LDB2: variants seen among roughly 807,000 people sequenced by gnomAD.
LDB2 encodes LIM domain binding 2, also known as LIM domain-binding protein 2.
LDB2 carries 12 observed loss-of-function variants against 44.3 expected under a neutral mutation model. The ratio of observed to expected loss-of-function variants is 0.27; its 90% confidence interval spans 0.17 to 0.44. LDB2 has a LOEUF of 0.44. Among genes scored for constraint, LDB2 ranks in the 20% least tolerant of loss-of-function variants. The pLI, the probability that LDB2 is intolerant of heterozygous loss-of-function variation, is 1.00. For missense variants in LDB2, 344 were observed against 473.5 expected, an observed-to-expected ratio of 0.73 and a Z score of 2.54; for synonymous variants, 164 against 174.8, an observed-to-expected ratio of 0.94 and a Z score of 0.49.
At chr4:16,695,257 C>T (rs1034876605) in intron 2 of LDB2, among the ~76,000 whole-genome samples, 14 of 152,042 alleles carry the variant, frequency 9.2e-5, no homozygotes, top group East Asian at 1.9e-4. Context: ...TTGCTCTAGG[C>T]GGGGCGCAGT....
intron 1 of LDB2, among the ~76,000 whole-genome samples, chr4:16,813,765 A>T (rs1780346783): frequency 6.6e-6 from 1 of 152,132 alleles, no homozygotes; most frequent in African/African-American, 2.4e-5. Flanking sequence ...AATTTCATTA[A>T]TTATGGAGTT....
intron 5 of LDB2, among the ~76,000 whole-genome samples, chr4:16,548,680 C>G (rs972957971): frequency 6.6e-6 from 1 of 152,126 alleles, no homozygotes; most frequent in Admixed American, 6.5e-5. Flanking sequence ...CAGGGTAAGC[C>G]GGAAAAAGAA....
chr4:16,697,266 T>TACACACACACACACACACACAC lies in LDB2; in HGVS notation c.235+61870_235+61891dup, dbSNP rs57040700. ...GGTGAAACCCCGTCTCTACTAAAAA[T>TACACACACACACACACACACAC]ACACACACACACACACACACACACA... On this transcript the variant is annotated intron_variant, in intron 2 of 7. Transcript: ENST00000304523. Among the ~76,000 whole-genome samples the TACACACACACACACACACACAC allele has an allele frequency of 1.7e-3, 226 of 130,730 alleles. 1 individual carries two copies. Among genetic ancestry groups the TACACACACACACACACACACAC allele is most frequent in the Middle Eastern group, 4.0e-3 (1 of 252 alleles). 85.8% of individuals were successfully genotyped at this position (130,730 alleles called of 152,430 possible). A position where few individuals can be genotyped will look rare whatever the true frequency, so the allele number is the denominator to read the frequency against.
At chr4:16,607,626 CAT>C (rs1428048809) in intron 2 of LDB2, among the ~76,000 whole-genome samples, 2 of 132,240 alleles carry the variant, frequency 1.5e-5, no homozygotes, top group African/African-American at 2.6e-5. Flanking sequence ...ATGCCTGACA[CAT>C]GTTAGCTCTA....
intron 5 of LDB2, among the ~76,000 whole-genome samples, chr4:16,570,042 A>G (rs938313372): frequency 6.6e-6 from 1 of 152,180 alleles, no homozygotes; most frequent in African/African-American, 2.4e-5. Flanking sequence ...TTGCTTTTTA[A>G]CACTCTGACT....
intron 6 of LDB2, 132 bp downstream of exon 6, chr4:16,511,849 T>C (rs771036019): frequency 5.1e-5 from 51 of 1,005,852 alleles, no homozygotes; most frequent in Non-Finnish European, 7.1e-5. Context: ...TCCACAACCA[T>C]GGTCAGAATA....
At chr4:16,848,441 T>C (rs78723521) in intron 1 of LDB2, among the ~76,000 whole-genome samples, 4,629 of 152,314 alleles carry the variant, frequency 0.03, 182 homozygotes, top group African/African-American at 0.09. Context: ...AGCAGATGTA[T>C]TCCATGGGTT....
intron 5 of LDB2, among the ~76,000 whole-genome samples, chr4:16,564,631 C>G (rs1312895711): frequency 3.9e-5 from 6 of 152,154 alleles, no homozygotes; most frequent in Admixed American, 6.6e-5. Context: ...AGGGATCTTT[C>G]TTTCAACAGC....
chr4:16,603,476 A>G (rs17490387), intron 2 of LDB2, among the ~76,000 whole-genome samples: 58,483 of 151,936 alleles, frequency 0.38, 11,754 homozygotes, highest in East Asian at 0.64. Context: ...CCTTGGTCAG[A>G]TGTTATATAT....
intron 2 of LDB2, among the ~76,000 whole-genome samples, chr4:16,672,215 C>G (rs1053222989): frequency 1.3e-5 from 2 of 152,216 alleles, no homozygotes. Flanking sequence ...AACCAACTCA[C>G]TGAAGGTCAC....
chr4:16,760,740 C>G (rs1227278907), intron 1 of LDB2, among the ~76,000 whole-genome samples: 1 of 152,134 alleles, frequency 6.6e-6, no homozygotes, highest in Admixed American at 6.5e-5. Flanking sequence ...CATCTGAGAC[C>G]GTGGCACACG....
intron 1 of LDB2, among the ~76,000 whole-genome samples, chr4:16,831,081 C>T (rs16894061): frequency 0.016 from 2,399 of 151,606 alleles, 52 homozygotes; most frequent in African/African-American, 0.055. Context: ...TTGAATAGAA[C>T]GGTGCAGAAC....
At chr4:16,831,806 A>T (rs1580071161) in intron 1 of LDB2, among the ~76,000 whole-genome samples, 2 of 152,344 alleles carry the variant, frequency 1.3e-5, no homozygotes, top group South Asian at 4.1e-4. Flanking sequence ...TAGCTAATGG[A>T]GTATCAGCAG....
intron 2 of LDB2, among the ~76,000 whole-genome samples, chr4:16,680,582 G>C (rs1017716485): frequency 6.6e-6 from 1 of 152,208 alleles, no homozygotes; most frequent in Non-Finnish European, 1.5e-5. Context: ...CTAGTTTAAA[G>C]ATGAGAATAT....
At chr4:16,672,293 C>T (rs1020813049) in intron 2 of LDB2, among the ~76,000 whole-genome samples, 1 of 152,190 alleles carries the variant, frequency 6.6e-6, no homozygotes, top group African/African-American at 2.4e-5. Context: ...GCAAGTCTAA[C>T]CCCTAACTCT....
rs571879881 is a variant in LDB2, at chr4:16,657,700, G to A, written c.236-61825C>T. ...AGCTTATTCCCACCTCAGGGCCTTC[G>A]GATTTGCTGTCCTCTGCGTCTGGAA... On this transcript the variant is annotated intron_variant, in intron 2 of 7. Transcript: ENST00000304523. Among the ~76,000 whole-genome samples, 7 of 152,220 alleles carry A rather than the reference G, an allele frequency of 4.6e-5. No homozygotes were observed. In the South Asian group the frequency reaches 1.5e-3, roughly 32 times the overall value.
At chr4:16,892,688 G>A (rs921181217) in intron 1 of LDB2, among the ~76,000 whole-genome samples, 1 of 152,098 alleles carries the variant, frequency 6.6e-6, no homozygotes, top group African/African-American at 2.4e-5. Flanking sequence ...TTCAGAAAGC[G>A]GGTGCTCTGT....
At chr4:16,671,234 G>A (rs1305329411) in intron 2 of LDB2, among the ~76,000 whole-genome samples, 1 of 152,110 alleles carries the variant, frequency 6.6e-6, no homozygotes, top group Non-Finnish European at 1.5e-5. Context: ...TCAACCATGT[G>A]AGCATCGTTC....
intron 5 of LDB2, among the ~76,000 whole-genome samples, chr4:16,567,751 C>T (rs1488618730): frequency 6.6e-6 from 1 of 152,178 alleles, no homozygotes; most frequent in Non-Finnish European, 1.5e-5. Context: ...GCCTGGGCGA[C>T]AGAGCGAGAC....
Sources: gnomAD v4.1 joint callset for allele counts (sites outside exome capture counted in the v4.1 genomes callset) on GRCh38, gnomAD v4.1.1 for gene constraint, MANE v1.5 for transcripts, NCBI Gene and HGNC (gene_info 2026-07-23, HGNC 2026-07-21) for gene names.